The following TMF1 variants were observed in gnomAD, a reference collection of about 807,000 sequenced individuals.
TMF1 encodes the protein TATA element modulatory factor.
Under a neutral mutation model 126.5 loss-of-function variants are expected in TMF1, and 71 were observed. That is an observed-to-expected ratio of 0.56 (90% CI 0.46 to 0.68). The LOEUF (loss-of-function observed/expected upper bound fraction) is 0.68, where lower values mean the gene tolerates loss of function less well. TMF1 is among the 30% of genes least tolerant of loss of function. The probability of loss-of-function intolerance (pLI) is 0.00; values close to 1 mark genes in which losing one functional copy is unlikely to be tolerated. For synonymous variants in TMF1, 461 were observed against 430.5 expected (o/e 1.07, Z -0.88); for missense variants, 1,259 against 1,253.2 (o/e 1.00, Z -0.07).
Position 69,048,271 on chromosome 3 carries a change from G to C in TMF1, c.434C>G (p.Pro145Arg). Residue 145 changes from proline to arginine, a missense_variant, in exon 2 of 17, where the codon CCT (proline) becomes CGT (arginine). By Grantham distance (103) the Pro-to-Arg change is moderately radical (BLOSUM62 -2). Transcript: ENST00000398559. ...ESLHIGQSRT[P>R]ETTESQVKDS... Reference sequence around the variant, plus strand: ...TTTTACTTGTGATTCAGTTGTTTCAGGAGTTCTTGACTGGCCAATGTGCAA... The same window carrying C: ...TTTTACTTGTGATTCAGTTGTTTCACGAGTTCTTGACTGGCCAATGTGCAA... 6.2e-7 allele frequency: 1 copy of C among 1,614,168 alleles called. No homozygotes were observed. The highest frequency in any genetic ancestry group is 8.5e-7 in the Non-Finnish European group (1 of 1,180,030).
At chr3:69,033,481 C>G (rs930298348) in intron 10 of TMF1, 67 bp downstream of exon 10, 8 of 1,483,934 alleles carry the variant, frequency 5.4e-6, no homozygotes, top group Admixed American at 4.6e-5. Context: ...AATTTCATAC[C>G]ATTATTCTAA....
intron 13 of TMF1, among the ~76,000 whole-genome samples, chr3:69,026,304 A>C (rs946010053): frequency 1.3e-5 from 2 of 152,184 alleles, no homozygotes; most frequent in Admixed American, 6.5e-5. Context: ...TAAGTCAAAA[A>C]TACAATATTT....
chr3:69,050,429 A>G (rs1216260967), intron 1 of TMF1, among the ~76,000 whole-genome samples: 2 of 152,152 alleles, frequency 1.3e-5, no homozygotes, highest in Non-Finnish European at 2.9e-5. Flanking sequence ...TATGCAAATG[A>G]ACAACCAAGA....
chr3:69,023,742 T>C (rs1029242752), intron 16 of TMF1, among the ~76,000 whole-genome samples: 1 of 152,108 alleles, frequency 6.6e-6, no homozygotes, highest in East Asian at 1.9e-4. Context: ...GATGAGACAA[T>C]TGTGATGATA....
Position 69,047,597 on chromosome 3 carries a change from C to G in TMF1, c.1108G>C (p.Val370Leu). 6.2e-7 allele frequency: 1 copy of G among 1,614,134 alleles called. No individual in the cohort carries two copies. Among genetic ancestry groups the G allele is most frequent in the Non-Finnish European group, 8.5e-7 (1 of 1,180,026 alleles). Reference sequence around the variant, plus strand: ...TCAGATTTTCCTTCAGCAGATTCAACTGTTTTAGACTTTGGAGTTGAAGAA... The same window carrying G: ...TCAGATTTTCCTTCAGCAGATTCAAGTGTTTTAGACTTTGGAGTTGAAGAA... The part of the protein sequence containing the change: ...VNSSTPKSKT[V>L]ESAEGKSEEV... The change falls in exon 2 of 17, where the codon GTT becomes CTT. Residue 370 changes from valine to leucine, a missense_variant. Val to Leu is a conservative substitution (Grantham distance 32, BLOSUM62 1). Transcript: ENST00000398559.
In TMF1 at chr3:69,035,027, T is replaced by A. The variant is rs754534910; in HGVS notation, c.2240A>T (p.Gln747Leu). Residue 747 changes from glutamine to leucine, a missense_variant, in exon 9 of 17, where the codon CAG (glutamine) becomes CTG (leucine). Coordinates refer to ENST00000398559, the MANE Select transcript of TMF1 (RefSeq NM_007114.3). Reference sequence around the variant, plus strand: ...TTTGGAAACCTGTGACAGTACCTGCTGAAGTTCACCGATCTCATGGCGTAA... The same window carrying A: ...TTTGGAAACCTGTGACAGTACCTGCAGAAGTTCACCGATCTCATGGCGTAA... ...DYLRHEIGEL[Q>L]QRLQEAENRN... is the part of the protein sequence containing the mutation. The A allele has an allele frequency of 1.2e-6, 2 of 1,613,864 alleles. No homozygotes were observed. Among genetic ancestry groups the A allele is most frequent in the Non-Finnish European group, 1.7e-6 (2 of 1,179,752 alleles).
At chr3:69,027,562 T>TAA (rs2091776494) in intron 13 of TMF1, among the ~76,000 whole-genome samples, 1 of 152,072 alleles carries the variant, frequency 6.6e-6, no homozygotes, top group East Asian at 1.9e-4. Context: ...TTTTAGACAT[T>TAA]AAAAAAATGA....
intron 2 of TMF1, among the ~76,000 whole-genome samples, 178 bp downstream of exon 2, chr3:69,047,180 T>G (rs2091899930): frequency 6.6e-6 from 1 of 152,242 alleles, no homozygotes; most frequent in Admixed American, 6.5e-5. Flanking sequence ...TTGGAGAAAT[T>G]CCAAATTATA....
intron 7 of TMF1, 35 bp downstream of exon 7, chr3:69,038,808 T>C: frequency 6.3e-7 from 1 of 1,584,466 alleles, no homozygotes; most frequent in Non-Finnish European, 8.6e-7. Context: ...TGATAATTCA[T>C]TCTAAATGGG....
chr3:69,033,591 T>C lies in TMF1; in HGVS notation c.2358A>G (p.Thr786=). 2.5e-6 allele frequency: 4 copies of C among 1,613,782 alleles called. No homozygotes were observed. The highest frequency in any genetic ancestry group is 2.5e-6 in the Non-Finnish European group (3 of 1,179,904). Residue 786 remains threonine (T), a synonymous_variant, in exon 10 of 17, where the codon ACA becomes ACG. Coordinates refer to ENST00000398559, the MANE Select transcript of TMF1 (RefSeq NM_007114.3). The part of the protein sequence containing the change: ...ENLQATLGSQ[T]SSWEKLEKNL... ...TCTTCTCTAATTTCTCCCACGACGA[T>C]GTCTGGGATCCCAGGGTTGCTTGCA... is the stretch of plus-strand genomic sequence containing the variant.
At chr3:69,028,917 T>G (rs2091783991) in intron 11 of TMF1, among the ~76,000 whole-genome samples, 1 of 152,040 alleles carries the variant, frequency 6.6e-6, no homozygotes, top group African/African-American at 2.4e-5. Context: ...AAAAATCTGA[T>G]TAAAGGTACA....
chr3:69,025,131 C>T (rs1008508621), intron 15 of TMF1: 6 of 155,402 alleles, frequency 3.9e-5, no homozygotes, highest in South Asian at 2.0e-4. Flanking sequence ...CCCTCCTTCC[C>T]GGGGTAGCTG....
At chr3:69,032,173 A>G (rs1223289433) in intron 10 of TMF1, among the ~76,000 whole-genome samples, 2 of 152,126 alleles carry the variant, frequency 1.3e-5, no homozygotes, top group Non-Finnish European at 2.9e-5. Flanking sequence ...CCAGCCTCTT[A>G]TTTATCAAGC....
chr3:69,035,304 T>C (rs933440812), intron 8 of TMF1, 189 bp from the exon 9 acceptor site: 6 of 564,448 alleles, frequency 1.1e-5, no homozygotes, highest in East Asian at 8.9e-5. Context: ...GTATATTCAA[T>C]GTTTACTTAG....
chr3:69,028,366 G>C, intron 11 of TMF1, 71 bp from the exon 12 acceptor site: 2 of 990,224 alleles, frequency 2.0e-6, no homozygotes, highest in Admixed American at 4.3e-5. Context: ...TAAAAACTCA[G>C]TACTTTATTA....
intron 10 of TMF1, among the ~76,000 whole-genome samples, chr3:69,032,439 C>T (rs1288038392): frequency 6.6e-6 from 1 of 152,038 alleles, no homozygotes; most frequent in South Asian, 2.1e-4. Context: ...TAGTGTCAGG[C>T]GTAGAAGGCA....
In TMF1 at chr3:69,044,557, C is replaced by T; in HGVS notation, c.1386G>A (p.Glu462=). The T allele has an allele frequency of 6.2e-7, 1 of 1,609,346 alleles. No homozygotes were observed. The highest frequency in any genetic ancestry group is 8.5e-7 in the Non-Finnish European group (1 of 1,178,708). Residue 462 remains glutamate (E), a synonymous_variant, in exon 3 of 17, where the codon GAG becomes GAA. Transcript: ENST00000398559. ...CCTTACTAAGAGATAATAACTGAGCCTCCCTTTTTTCCAGCTTTTCATTCA... is the reference window on the plus strand; with the variant it reads ...CCTTACTAAGAGATAATAACTGAGCTTCCCTTTTTTCCAGCTTTTCATTCA... The part of the protein sequence containing the change: ...EFLNEKLEKR[E]AQLLSLSKEK...
intron 2 of TMF1, among the ~76,000 whole-genome samples, chr3:69,045,953 G>C (rs762203584): frequency 2.0e-5 from 3 of 151,778 alleles, no homozygotes; most frequent in African/African-American, 7.3e-5. Flanking sequence ...CTACTAGAGC[G>C]GATTAGGTGG....
At chr3:69,045,152 T>C (rs978474269) in intron 2 of TMF1, among the ~76,000 whole-genome samples, 24 of 152,198 alleles carry the variant, frequency 1.6e-4, no homozygotes, top group African/African-American at 5.6e-4. Context: ...AAATATGACA[T>C]ATTGCATTTA....
Sources: allele counts gnomAD v4.1 joint callset (sites outside exome capture counted in the v4.1 genomes callset), GRCh38; gene constraint gnomAD v4.1.1; transcripts MANE v1.5; gene names NCBI Gene and HGNC (gene_info 2026-07-23, HGNC 2026-07-21).